Variants in TBC1D22A observed in about 807,000 individuals in gnomAD.
TBC1D22A encodes putative GTPase activator.
TBC1D22A carries 38 observed loss-of-function variants against 60.2 expected under a neutral mutation model. The observed-to-expected ratio is 0.63, with a 90% confidence interval of 0.49 to 0.83. The LOEUF (loss-of-function observed/expected upper bound fraction) is 0.83, where lower values mean the gene tolerates loss of function less well. Ranked by LOEUF, TBC1D22A falls within the 40% of genes least tolerant of loss-of-function variation. The pLI is 0.00. For missense variants in TBC1D22A, 628 were observed against 701.0 expected (o/e 0.90, Z 1.18); for synonymous variants, 302 against 281.7 (o/e 1.07, Z -0.72).
chr22:46,866,430 A>ATT (rs2067059643), intron 4 of TBC1D22A, among the ~76,000 whole-genome samples: 1 of 152,204 alleles, frequency 6.6e-6, no homozygotes, highest in African/African-American at 2.4e-5. Context: ...TTGATTGGGT[A>ATT]TTGAGAGAGT....
intron 12 of TBC1D22A, among the ~76,000 whole-genome samples, chr22:47,147,844 C>T (rs1198302331): frequency 6.6e-6 from 1 of 152,332 alleles, no homozygotes; most frequent in East Asian, 1.9e-4. Context: ...GGGAGCTAGG[C>T]TGTCGGTCCT....
chr22:46,992,449 C>A (rs1156807934), intron 9 of TBC1D22A, among the ~76,000 whole-genome samples: 1 of 152,242 alleles, frequency 6.6e-6, no homozygotes, highest in Non-Finnish European at 1.5e-5. Flanking sequence ...GGGTGAACCA[C>A]CCTGCACAGT....
At chr22:47,004,405 A>T (rs1358317316) in intron 10 of TBC1D22A, among the ~76,000 whole-genome samples, 1 of 147,912 alleles carries the variant, frequency 6.8e-6, no homozygotes, top group Non-Finnish European at 1.5e-5. Flanking sequence ...CCTTATACAT[A>T]CACACATGCC....
intron 3 of TBC1D22A, 69 bp from the exon 4 acceptor site, chr22:46,797,375 C>A: frequency 6.4e-7 from 1 of 1,565,576 alleles, no homozygotes; most frequent in Non-Finnish European, 8.7e-7. Context: ...GGGACAGTGG[C>A]ACAGCAAGGA....
chr22:47,061,388 C>T (rs895628188), intron 11 of TBC1D22A, among the ~76,000 whole-genome samples: 1 of 152,078 alleles, frequency 6.6e-6, no homozygotes, highest in Non-Finnish European at 1.5e-5. Context: ...CTGCCTTGGT[C>T]GTGGTCCCTG....
intron 4 of TBC1D22A, among the ~76,000 whole-genome samples, chr22:46,839,767 A>G (rs1374588717): frequency 6.6e-6 from 1 of 152,232 alleles, no homozygotes; most frequent in East Asian, 1.9e-4. Flanking sequence ...ATGGAATGTA[A>G]AGTAGAGAGC....
intron 5 of TBC1D22A, among the ~76,000 whole-genome samples, chr22:46,889,071 G>A (rs1466732747): frequency 6.6e-6 from 1 of 152,180 alleles, no homozygotes; most frequent in Non-Finnish European, 1.5e-5. Flanking sequence ...TGGACTTCAT[G>A]AAACTTTAAG....
chr22:47,105,765 T>C (rs1040780499), intron 11 of TBC1D22A, among the ~76,000 whole-genome samples: 2 of 145,574 alleles, frequency 1.4e-5, no homozygotes, highest in African/African-American at 5.0e-5. Flanking sequence ...ACCCCCCCAC[T>C]CCCCAAAGAA....
intron 10 of TBC1D22A, among the ~76,000 whole-genome samples, chr22:47,025,219 T>C (rs956677687): frequency 4.6e-5 from 7 of 152,182 alleles, no homozygotes; most frequent in African/African-American, 1.7e-4. Context: ...GAAAATCAGG[T>C]TATAAGAAGC....
intron 5 of TBC1D22A, among the ~76,000 whole-genome samples, chr22:46,880,744 A>G (rs920974507): frequency 2.0e-5 from 3 of 152,190 alleles, no homozygotes; most frequent in African/African-American, 7.2e-5. Flanking sequence ...AGGGGACTTC[A>G]CACCTGGGAT....
chr22:46,867,786 A>G (rs982467482), intron 4 of TBC1D22A, among the ~76,000 whole-genome samples: 1 of 152,262 alleles, frequency 6.6e-6, no homozygotes, highest in South Asian at 2.1e-4. Flanking sequence ...AATCACGTCA[A>G]TTGACAAAAT....
chr22:46,929,739 T>C (rs575853964), intron 8 of TBC1D22A, among the ~76,000 whole-genome samples: 4 of 152,220 alleles, frequency 2.6e-5, no homozygotes, highest in South Asian at 4.1e-4. Flanking sequence ...TGCATGCATG[T>C]ATGTGCATGC....
chr22:46,964,874 G>C (rs17174802), intron 8 of TBC1D22A, among the ~76,000 whole-genome samples: 2,554 of 152,330 alleles, frequency 0.017, 32 homozygotes, highest in Middle Eastern at 0.068. Flanking sequence ...ACGTGGGCTC[G>C]TTAGAATTGC....
intron 3 of TBC1D22A, among the ~76,000 whole-genome samples, chr22:46,795,331 C>A (rs2084605109): frequency 6.6e-6 from 1 of 152,222 alleles, no homozygotes; most frequent in Admixed American, 6.5e-5. Context: ...GTGCCCCCTA[C>A]CCCCAAGATG....
At chr22:46,865,702 G>A (rs1343737262) in intron 4 of TBC1D22A, among the ~76,000 whole-genome samples, 1 of 152,224 alleles carries the variant, frequency 6.6e-6, no homozygotes, top group Non-Finnish European at 1.5e-5. Flanking sequence ...CCACACGTGT[G>A]CGTTGGACAC....
chr22:46,985,796 G>A (rs922036445), intron 9 of TBC1D22A, among the ~76,000 whole-genome samples: 8 of 152,176 alleles, frequency 5.3e-5, no homozygotes, highest in Non-Finnish European at 7.4e-5. Context: ...CCAACACTGC[G>A]TTCCCCACAG....
intron 8 of TBC1D22A, among the ~76,000 whole-genome samples, chr22:46,955,037 TGA>T (rs1435318429): frequency 6.6e-6 from 1 of 152,232 alleles, no homozygotes; most frequent in African/African-American, 2.4e-5. Context: ...ACGCGGCTTT[TGA>T]GAGCTGTTTT....
intron 11 of TBC1D22A, among the ~76,000 whole-genome samples, chr22:47,093,985 T>C (rs1369451582): frequency 1.3e-5 from 2 of 152,174 alleles, no homozygotes; most frequent in African/African-American, 4.8e-5. Context: ...TCTCCCTGAC[T>C]GACTAAAACA....
intron 7 of TBC1D22A, among the ~76,000 whole-genome samples, chr22:46,901,990 CT>C (rs1208744217): frequency 6.6e-6 from 1 of 152,158 alleles, no homozygotes; most frequent in Non-Finnish European, 1.5e-5. Context: ...AATATAGTTC[CT>C]TTTTAGTTAT....
Sources: allele counts gnomAD v4.1 joint callset (sites outside exome capture counted in the v4.1 genomes callset), GRCh38; gene constraint gnomAD v4.1.1; transcripts MANE v1.5; gene names NCBI Gene and HGNC (gene_info 2026-07-23, HGNC 2026-07-21).